The following EIF4G3 variants were observed in gnomAD, a reference collection of about 807,000 sequenced individuals.
EIF4G3 encodes eukaryotic translation initiation factor 4 gamma 3, also known as eIF-4-gamma 3.
A neutral mutation model predicts 186.4 loss-of-function variants in EIF4G3; 34 were observed. The observed-to-expected ratio is 0.18, with a 90% CI of 0.14 to 0.24. EIF4G3 has a LOEUF of 0.24. Ranked by LOEUF, EIF4G3 falls within the 10% of genes least tolerant of loss-of-function variation. EIF4G3 has a pLI of 1.00. For synonymous variants in EIF4G3, 673 were observed against 679.5 expected, an observed-to-expected ratio of 0.99 and a Z score of 0.15; for missense variants, 1,536 against 1,948.5, an observed-to-expected ratio of 0.79 and a Z score of 3.99.
chr1:20,918,701 CTTTT>C (rs35704755), intron 14 of EIF4G3, among the ~76,000 whole-genome samples: 11 of 94,900 alleles, frequency 1.2e-4, no homozygotes, highest in African/African-American at 1.3e-4. Context: ...CTCCTAGTAT[CTTTT>C]TTTTTTTTTT....
chr1:20,981,157 C>T lies in EIF4G3; in HGVS notation c.269G>A (p.Gly90Asp). The change falls in exon 9 of 37, where the codon GGT (glycine) becomes GAT (aspartate). Residue 90 changes from glycine (G) to aspartate (D), a missense_variant. Transcript: ENST00000602326. ...IPNSSPSIRPGAQTPTAVYQA... is the reference protein window; with the variant it reads ...IPNSSPSIRPDAQTPTAVYQA... Reference sequence around the variant, plus strand: ...GTACACTGCAGTGGGTGTCTGTGCACCAGGACGAATGGAAGGACTGCTGTT... The same window carrying T: ...GTACACTGCAGTGGGTGTCTGTGCATCAGGACGAATGGAAGGACTGCTGTT... 6.2e-7 allele frequency: 1 copy of T among 1,613,602 alleles called. No individual in the cohort carries two copies. The highest frequency in any genetic ancestry group is 1.1e-5 in the South Asian group (1 of 91,044).
chr1:21,125,368 G>A (rs2097012509), intron 2 of EIF4G3, among the ~76,000 whole-genome samples: 1 of 152,092 alleles, frequency 6.6e-6, no homozygotes, highest in African/African-American at 2.4e-5. Context: ...AATGACAACA[G>A]CCCCTAAAAG....
intron 7 of EIF4G3, among the ~76,000 whole-genome samples, chr1:20,990,392 C>A (rs1029377945): frequency 6.6e-6 from 1 of 151,850 alleles, no homozygotes; most frequent in African/African-American, 2.4e-5. Flanking sequence ...ATTTAATTAC[C>A]AGCCGGGTGC....
chr1:20,899,193 T>C (rs949369717), intron 16 of EIF4G3, among the ~76,000 whole-genome samples: 1 of 152,256 alleles, frequency 6.6e-6, no homozygotes, highest in Non-Finnish European at 1.5e-5. Context: ...TTGTTTACCA[T>C]ATGTTTATCA....
At chr1:21,044,768 C>T (rs2093785706) in intron 4 of EIF4G3, among the ~76,000 whole-genome samples, 2 of 151,956 alleles carry the variant, frequency 1.3e-5, no homozygotes, top group African/African-American at 4.8e-5. Context: ...TCACCTCAGC[C>T]TCCCAAGTAG....
chr1:21,150,644 T>C (rs2097534509), intron 2 of EIF4G3, among the ~76,000 whole-genome samples: 2 of 152,210 alleles, frequency 1.3e-5, no homozygotes, highest in Non-Finnish European at 2.9e-5. Context: ...TTAACTTGAT[T>C]TCACTTTCCA....
intron 2 of EIF4G3, among the ~76,000 whole-genome samples, chr1:21,135,060 C>T (rs10799684): frequency 0.032 from 4,868 of 152,206 alleles, 261 homozygotes; most frequent in African/African-American, 0.11. Context: ...AAAAGAAATA[C>T]GTCCCACCAC....
At chr1:20,892,231 C>T (rs2086318025) in intron 18 of EIF4G3, among the ~76,000 whole-genome samples, 1 of 152,192 alleles carries the variant, frequency 6.6e-6, no homozygotes, top group East Asian at 1.9e-4. Flanking sequence ...CGGTTATCTG[C>T]AAATGTACAT....
intron 12 of EIF4G3, among the ~76,000 whole-genome samples, chr1:20,957,640 T>C (rs955915611): frequency 6.1e-5 from 9 of 148,518 alleles, no homozygotes; most frequent in South Asian, 2.1e-4. Context: ...TTTGAAAAAA[T>C]AGATAGACTA....
Position 20,810,104 on chromosome 1 carries a change from G to A in EIF4G3, c.4744+634C>T, listed in dbSNP as rs773129346. On this transcript the variant is annotated intron_variant, in intron 36 of 36. Transcript: ENST00000602326. This position sits in a 1 kb window ranked among gnomAD's most constrained non-coding sequence, Gnocchi z 4.1. The stretch of plus-strand genomic sequence containing the variant: ...TCGTGCTTCAGCTTTCTGAGTAGCT[G>A]TAGCTGGGACTACAGGCACATGCCA... 5.9e-5 allele frequency among the ~76,000 whole-genome samples: 9 copies of A among 151,508 alleles called. No homozygotes were observed. The highest frequency in any genetic ancestry group is 1.3e-4 in the Non-Finnish European group (9 of 67,960).
intron 4 of EIF4G3, among the ~76,000 whole-genome samples, chr1:21,033,104 T>C (rs989489155): frequency 6.6e-6 from 1 of 152,194 alleles, no homozygotes; most frequent in Non-Finnish European, 1.5e-5. Context: ...CTAGATGACA[T>C]CAAGGTAATC....
At chr1:21,176,138 G>C (rs1573856722) in intron 2 of EIF4G3, 37 bp downstream of exon 2, 4 of 359,512 alleles carry the variant, frequency 1.1e-5, no homozygotes, top group Non-Finnish European at 2.0e-5. Context: ...CTGCGACGAC[G>C]AGAACCGAAG....
At chr1:21,081,302 G>A (rs1365186726) in intron 3 of EIF4G3, among the ~76,000 whole-genome samples, 1 of 152,140 alleles carries the variant, frequency 6.6e-6, no homozygotes, top group Non-Finnish European at 1.5e-5. Flanking sequence ...CATGGATGGT[G>A]CACACCTGTA....
intron 3 of EIF4G3, among the ~76,000 whole-genome samples, chr1:21,062,418 C>A (rs1364710246): frequency 6.6e-6 from 1 of 151,876 alleles, no homozygotes; most frequent in Non-Finnish European, 1.5e-5. Context: ...TCAGTAATAT[C>A]CTAAACTAAA....
intron 2 of EIF4G3, among the ~76,000 whole-genome samples, chr1:21,102,675 T>C (rs1424370366): frequency 6.6e-6 from 1 of 152,210 alleles, no homozygotes; most frequent in Non-Finnish European, 1.5e-5. Context: ...TTGACTCTTG[T>C]CATCTCTTCC....
chr1:20,817,268 AT>A lies in EIF4G3; in HGVS notation c.4515+123del, dbSNP rs373330322. Reference sequence around the variant, plus strand: ...AAAAAAAAAATAAATAAATAAAAAAATAAATAAATAAAAAAAAATAAAAATA... The same window carrying A: ...AAAAAAAAAATAAATAAATAAAAAAAAAATAAATAAAAAAAAATAAAAATA... On this transcript the variant is annotated intron_variant, in intron 34 of 36. Coordinates refer to ENST00000602326, the MANE Select transcript of EIF4G3 (RefSeq NM_001391906.1). The A allele has an allele frequency of 7.1e-3, 2,109 of 297,306 alleles. 11 individuals carry two copies. The highest frequency in any genetic ancestry group is 0.016 in the African/African-American group (543 of 33,078). 18.4% of individuals were successfully genotyped at this position (297,306 alleles called of 1,614,324 possible).
intron 32 of EIF4G3, among the ~76,000 whole-genome samples, 157 bp downstream of exon 32, chr1:20,827,460 A>G (rs1158299395): frequency 6.6e-6 from 1 of 152,186 alleles, no homozygotes; most frequent in African/African-American, 2.4e-5. Context: ...AGCAAACAGA[A>G]GGACAAATGC....
intron 2 of EIF4G3, among the ~76,000 whole-genome samples, chr1:21,156,068 A>G (rs2097654013): frequency 6.6e-6 from 1 of 151,538 alleles, no homozygotes; most frequent in South Asian, 2.1e-4. Flanking sequence ...CAGAGGCTGC[A>G]GCGAGCTGAG....
intron 20 of EIF4G3, among the ~76,000 whole-genome samples, chr1:20,866,828 G>T (rs1366735251): frequency 6.6e-6 from 1 of 152,240 alleles, no homozygotes; most frequent in African/African-American, 2.4e-5. Context: ...AGGAACATAA[G>T]TTAAACCAGC....
Sources: allele counts gnomAD v4.1 joint callset (sites outside exome capture counted in the v4.1 genomes callset), GRCh38; gene constraint gnomAD v4.1.1; non-coding constraint Gnocchi (gnomAD v3.1); transcripts MANE v1.5; gene names NCBI Gene and HGNC (gene_info 2026-07-23, HGNC 2026-07-21).